The following MACF1 variants were observed in gnomAD, a reference collection of about 807,000 sequenced individuals.
MACF1 encodes the protein microtubule actin crosslinking factor 1.
A neutral mutation model predicts 854.8 loss-of-function variants in MACF1; 193 were observed. That is an observed-to-expected ratio of 0.23 (90% confidence interval 0.20 to 0.25). The LOEUF is 0.25. MACF1 is among the 10% of genes least tolerant of loss of function. The pLI is 1.00. For missense variants in MACF1, 7,722 were observed against 8,929.1 expected (o/e 0.86, Z 5.45); for synonymous variants, 3,185 against 3,226.7 (o/e 0.99, Z 0.44).
chr1:39,405,242 T>A (rs1642652625), intron 58 of MACF1, among the ~76,000 whole-genome samples: 1 of 152,238 alleles, frequency 6.6e-6, no homozygotes, highest in African/African-American at 2.4e-5. Flanking sequence ...TACCAAAGGA[T>A]GGCAGTGACT....
intron 58 of MACF1, among the ~76,000 whole-genome samples, chr1:39,391,438 A>C (rs1642033505): frequency 6.6e-6 from 1 of 152,008 alleles, no homozygotes. Context: ...GGAGGAGGTA[A>C]TTTTGGGATT....
chr1:39,109,741 T>G (rs956611413), intron 2 of MACF1, among the ~76,000 whole-genome samples: 16 of 152,222 alleles, frequency 1.1e-4, no homozygotes, highest in Non-Finnish European at 2.2e-4. Flanking sequence ...GACTTAAAAT[T>G]ACTGTCTAAG....
chr1:39,424,174 A>G lies in MACF1; in HGVS notation c.16296A>G (p.Leu5432=). 4 of 1,613,560 alleles carry G rather than the reference A, an allele frequency of 2.5e-6. No individual in the cohort carries two copies. Among genetic ancestry groups the G allele is most frequent in the Non-Finnish European group, 3.4e-6 (4 of 1,179,818 alleles). ...LESLESRWTE[L]LSKAAARQKQ... Reference sequence around the variant, plus strand: ...GTCTTGAAAGTAGATGGACTGAACTACTCAGTAAGGCAGCAGCCAGGTAAG... The same window carrying G: ...GTCTTGAAAGTAGATGGACTGAACTGCTCAGTAAGGCAGCAGCCAGGTAAG... Residue 5432 remains leucine (L), a synonymous_variant, in exon 61 of 101, where the codon CTA becomes CTG. Transcript: ENST00000564288.
At chr1:39,363,491 A>G (rs960750678) in intron 49 of MACF1, among the ~76,000 whole-genome samples, 4 of 152,016 alleles carry the variant, frequency 2.6e-5, no homozygotes, top group Non-Finnish European at 5.9e-5. Flanking sequence ...TTTACTTAAT[A>G]TGTCTTGGAA....
Position 39,460,699 on chromosome 1 carries a change from A to G in MACF1, c.21428A>G (p.Lys7143Arg). 1 of 1,614,168 alleles carries G rather than the reference A, an allele frequency of 6.2e-7. No individual in the cohort carries two copies. Among genetic ancestry groups the G allele is most frequent in the Non-Finnish European group, 8.5e-7 (1 of 1,180,006 alleles). Residue 7143 changes from lysine to arginine, a missense_variant, in exon 92 of 101, where the codon AAA becomes AGA. Around this residue, in one of 15 missense-constraint regions of MACF1, gnomAD observed 153 missense variants for 342.5 expected, o/e 0.45. Coordinates refer to ENST00000564288, the MANE Select transcript of MACF1 (RefSeq NM_001394062.1). The surrounding 1 kb of genome is among the most constrained non-coding windows in gnomAD (Gnocchi z 4.1). ...RKKYMRWMNH[K>R]KSRVMDFFRR... ...AAGTATATGCGTTGGATGAATCACA[A>G]AAAGTCTCGAGTGATGGATTTCTTC... is the stretch of plus-strand genomic sequence containing the variant.
intron 2 of MACF1, among the ~76,000 whole-genome samples, chr1:39,113,790 C>A (rs112265701): frequency 1.3e-5 from 2 of 152,196 alleles, no homozygotes; most frequent in Admixed American, 6.5e-5. Flanking sequence ...AATCCCAGCA[C>A]TTTGGGAGGC....
upstream of MACF1, among the ~76,000 whole-genome samples, chr1:39,201,543 G>T (rs1356226470): frequency 6.6e-6 from 1 of 151,990 alleles, no homozygotes; most frequent in East Asian, 1.9e-4. Context: ...TAGTAGAGAC[G>T]GGGTTTCACT....
chr1:39,453,826 C>G lies in MACF1; in HGVS notation c.20862C>G (p.Thr6954=). Residue 6954 remains threonine, a synonymous_variant, in exon 88 of 101, where the codon ACC becomes ACG. Transcript: ENST00000564288. ...DCITTIKHWI[T]IIRARFEEVL... The stretch of plus-strand genomic sequence containing the variant: ...TCACAACCATCAAACACTGGATCAC[C>G]ATCATCCGAGCTCGCTTCGAGGAGG... 1 of 1,614,188 alleles carries G rather than the reference C, an allele frequency of 6.2e-7. No individual in the cohort carries two copies. Among genetic ancestry groups the G allele is most frequent in the South Asian group, 1.1e-5 (1 of 91,082 alleles).
At position 39,387,622 on chromosome 1, in the gene MACF1, C is replaced by T. The variant is rs1329947307; in HGVS notation, c.14780C>T (p.Ser4927Phe). 5.6e-6 allele frequency: 9 copies of T among 1,614,078 alleles called. No individual in the cohort carries two copies. Among genetic ancestry groups the T allele is most frequent in the Non-Finnish European group, 7.6e-6 (9 of 1,180,030 alleles). The change falls in exon 58 of 101, where the codon TCT becomes TTT. Residue 4927 changes from serine (S) to phenylalanine (F), a missense_variant. Physicochemically the swap from Ser to Phe is radical, Grantham distance 155. Around this residue, in one of 15 missense-constraint regions of MACF1, gnomAD observed 2,807 missense variants for 3,235.8 expected, o/e 0.87. Transcript: ENST00000564288. Reference protein sequence around the residue: ...PWIEDCKAKMSELRVTLDPVQ... With the variant: ...PWIEDCKAKMFELRVTLDPVQ... ...ATAGAAGATTGTAAAGCTAAGATGT[C>T]TGAGTTGCGAGTCACTCTGGATCCA... is the stretch of plus-strand genomic sequence containing the variant.
At position 39,468,663 on chromosome 1, in the gene MACF1, G is replaced by A; in HGVS notation, c.21820G>A (p.Val7274Met). Residue 7274 changes from valine (V) to methionine (M), a missense_variant, in exon 96 of 101, where the codon GTG (valine) becomes ATG (methionine). Val to Met is a conservative substitution (Grantham distance 21). This residue lies in a region of MACF1 where 153 missense variants were observed against 342.5 expected (regional missense o/e 0.45). Transcript: ENST00000564288. ...LRLVRILRST[V>M]MVRVGGGWMA... ...GCTGGTCCGTATTCTGCGCAGCACC[G>A]TGATGGTTCGCGTTGGTGGAGGATG... 2 of 1,614,188 alleles carry A rather than the reference G, an allele frequency of 1.2e-6. No homozygotes were observed. The highest frequency in any genetic ancestry group is 1.7e-6 in the Non-Finnish European group (2 of 1,180,042).
In MACF1 at chr1:39,105,471, G is replaced by C; in HGVS notation, c.220+21033G>C. On this transcript the variant is annotated intron_variant, in intron 2 of 93. Coordinates refer to the MACF1 transcript ENST00000361689. The surrounding 1 kb of genome is among the most constrained non-coding windows in gnomAD (Gnocchi z 5.9). ...GACTGAGGAGCGGAGCGCGACTGCC[G>C]GGCCGGGCGAGGCGGGCGGACGGCG... is the stretch of plus-strand genomic sequence containing the variant. The C allele has an allele frequency of 9.9e-7, 1 of 1,009,040 alleles. No homozygotes were observed. Among genetic ancestry groups the C allele is most frequent in the Non-Finnish European group, 1.2e-6 (1 of 846,734 alleles). The allele number at this position is 1,009,040 out of a possible 1,614,324, so 62.5% of individuals were successfully genotyped here.
At chr1:39,446,177 A>G (rs1207931552) in intron 80 of MACF1, among the ~76,000 whole-genome samples, 3 of 152,230 alleles carry the variant, frequency 2.0e-5, no homozygotes, top group East Asian at 1.9e-4. Flanking sequence ...TATTTTGCAG[A>G]AACATTACCT....
At chr1:39,423,955 G>GTTTTT in intron 60 of MACF1, 73 bp from the exon 61 acceptor site, 1 of 1,368,506 alleles carries the variant, frequency 7.3e-7, no homozygotes, top group Non-Finnish European at 1.0e-6. Flanking sequence ...GGTTTCTTTT[G>GTTTTT]TTTTTTTTCT....
intron 42 of MACF1, among the ~76,000 whole-genome samples, chr1:39,350,566 A>C (rs184798426): frequency 6.6e-5 from 10 of 152,336 alleles, no homozygotes; most frequent in African/African-American, 2.4e-4. Context: ...TCTCATGTTC[A>C]TGTTTATGGA....
chr1:39,410,886 A>G (rs1642964960), intron 58 of MACF1: 1 of 1,613,902 alleles, frequency 6.2e-7, no homozygotes, highest in African/African-American at 1.3e-5. Flanking sequence ...CAGAGGTGCA[A>G]GATTTTAAAA....
intron 3 of MACF1, 102 bp from the exon 4 acceptor site, chr1:39,251,744 T>C: frequency 5.1e-6 from 3 of 585,288 alleles, no homozygotes; most frequent in Non-Finnish European, 7.7e-6. Context: ...TTTTCATATT[T>C]GTTTTTCCTT....
Position 39,387,811 on chromosome 1 carries a change from A to T in MACF1, c.14969A>T (p.Asn4990Ile). The change falls in exon 58 of 101, where the codon AAC becomes ATC. Residue 4990 changes from asparagine to isoleucine, a missense_variant. Asn to Ile is a moderately radical substitution (Grantham distance 149). Transcript: ENST00000564288. Reference protein sequence around the residue: ...IRDEKAGINQNMDAVTEELQA... With the variant: ...IRDEKAGINQIMDAVTEELQA... ...GATGAGAAGGCTGGGATCAACCAGA[A>T]CATGGATGCTGTTACAGAAGAGCTG... The T allele has an allele frequency of 1.9e-6, 3 of 1,614,158 alleles. No individual in the cohort carries two copies. The highest frequency in any genetic ancestry group is 2.5e-6 in the Non-Finnish European group (3 of 1,180,026).
At chr1:39,277,991 T>G (rs185233173) in intron 6 of MACF1, among the ~76,000 whole-genome samples, 1 of 145,614 alleles carries the variant, frequency 6.9e-6, no homozygotes, top group Non-Finnish European at 1.6e-5. Flanking sequence ...ACATTCAGCT[T>G]CTGGGAATAC....
intron 2 of MACF1, among the ~76,000 whole-genome samples, chr1:39,188,203 C>T (rs146347887): frequency 2.0e-5 from 3 of 151,994 alleles, no homozygotes; most frequent in Admixed American, 6.6e-5. Context: ...TTTGGGAGGC[C>T]GAGGCAGGTG....
Sources: allele counts gnomAD v4.1 joint callset (sites outside exome capture counted in the v4.1 genomes callset), GRCh38; gene constraint gnomAD v4.1.1; regional missense constraint gnomAD v4.1.1; non-coding constraint Gnocchi (gnomAD v3.1); transcripts MANE v1.5; gene names NCBI Gene and HGNC (gene_info 2026-07-23, HGNC 2026-07-21).